The following TMEM233 variants were observed in gnomAD, a reference collection of about 807,000 sequenced individuals.
The protein encoded by TMEM233 is dispanin subfamily B member 2.
A neutral mutation model predicts 11.2 loss-of-function variants in TMEM233; 6 were observed. The observed-to-expected ratio is 0.54, with a 90% CI of 0.29 to 1.06. The LOEUF (loss-of-function observed/expected upper bound fraction) is 1.06. Among genes scored for constraint, TMEM233 ranks in the 50% least tolerant of loss-of-function variants. The pLI, the probability that TMEM233 is intolerant of heterozygous loss-of-function variation, is 0.08. For synonymous variants in TMEM233, 59 were observed against 55.8 expected (o/e 1.06, Z -0.26); for missense variants, 127 against 144.7 (o/e 0.88, Z 0.63).
intron 1 of TMEM233, among the ~76,000 whole-genome samples, chr12:119,615,173 T>TAAAAAAAAAAAAAAAAAAAAAAAAAA (rs60318959): frequency 1.6e-4 from 9 of 56,198 alleles, no homozygotes; most frequent in East Asian, 7.4e-4. Flanking sequence ...CGCTTTCTGC[T>TAAAAAAAAAAAAAAAAAAAAAAAAAA]AAAAAAAAAA....
intron 1 of TMEM233, among the ~76,000 whole-genome samples, chr12:119,598,967 G>A (rs890148061): frequency 6.6e-6 from 1 of 152,160 alleles, no homozygotes; most frequent in Non-Finnish European, 1.5e-5. Flanking sequence ...CTGTTCTAGA[G>A]ATACAAGCCA....
In TMEM233 at chr12:119,632,119, TATA is replaced by T. The variant is rs761653067; in HGVS notation, c.323+2254_323+2256del. 3.3e-5 allele frequency among the ~76,000 whole-genome samples: 5 copies of T among 152,344 alleles called. No individual in the cohort carries two copies. In the East Asian group the frequency reaches 7.7e-4, roughly 23 times the overall value. On this transcript the variant is annotated intron_variant, in intron 2 of 2. Coordinates refer to ENST00000426426, the MANE Select transcript of TMEM233 (RefSeq NM_001136534.3). ...AGATTAGTGTTTGAGCTAAGTGGGT[TATA>T]ATAATAGCAGCTGACACTAACATAG...
chr12:119,603,362 C>A (rs922088435), intron 1 of TMEM233, among the ~76,000 whole-genome samples: 1 of 152,188 alleles, frequency 6.6e-6, no homozygotes, highest in African/African-American at 2.4e-5. Context: ...GATAAGATAA[C>A]AAGACAGCAG....
rs1249192828 is a variant in TMEM233, at chr12:119,624,180, T to A, written c.187-5556T>A. 7.3e-5 allele frequency among the ~76,000 whole-genome samples: 11 copies of A among 151,292 alleles called. No homozygotes were observed. The East Asian group carries it at 2.1e-3, about 30-fold the overall frequency. On this transcript the variant is annotated intron_variant, in intron 1 of 2. Coordinates refer to ENST00000426426, the MANE Select transcript of TMEM233 (RefSeq NM_001136534.3). ...GCCTGGGCAACATGGCAAAACCCCA[T>A]CTCTACCAAAAATTAAAAAAAAAAC...
rs1264475141 is a variant in TMEM233 at position 119,594,798 on chromosome 12, C to T, written c.186+764C>T. Among the ~76,000 whole-genome samples, 4 of 152,184 alleles carry T rather than the reference C, an allele frequency of 2.6e-5. No homozygotes were observed. The East Asian group carries it at 7.7e-4, about 29-fold the overall frequency. On this transcript the variant is annotated intron_variant, in intron 1 of 2. Transcript: ENST00000426426. The surrounding 1 kb of genome is among the most constrained non-coding windows in gnomAD (Gnocchi z 5.6). Reference sequence around the variant, plus strand: ...CTTTCTTAGGCTCCCCGTGTGCCCCCCTCACCAGCAAAGTGGGTGCGCCTC... The same window carrying T: ...CTTTCTTAGGCTCCCCGTGTGCCCCTCTCACCAGCAAAGTGGGTGCGCCTC...
chr12:119,638,802 C>T lies in TMEM233; in HGVS notation c.324-1897C>T, dbSNP rs558967575. 4.0e-5 allele frequency among the ~76,000 whole-genome samples: 6 copies of T among 151,362 alleles called. No homozygotes were observed. In the East Asian group the frequency reaches 7.8e-4, roughly 20 times the overall value. ...CTGTAATCCCAGCACTTTGGGAGGC[C>T]GAGGTGGGAGGATCACTTGAGCCCA... On this transcript the variant is annotated intron_variant, in intron 2 of 2. Transcript: ENST00000426426.
At chr12:119,634,240 G>A (rs1954934625) in intron 2 of TMEM233, 2 of 985,214 alleles carry the variant, frequency 2.0e-6, no homozygotes, top group Admixed American at 6.2e-5. Context: ...TGGAAAATCT[G>A]ACATTAGAGG....
At chr12:119,626,531 GGAGAAGGGAGAA>G (rs1302075645) in intron 1 of TMEM233, among the ~76,000 whole-genome samples, 8,171 of 98,598 alleles carry the variant, frequency 0.083, 444 homozygotes, top group Middle Eastern at 0.14. Context: ...AAGGGAGAAG[GGAGAAGGGAGAA>G]GAGAAGAGAA....
the TMEM233 span, among the ~76,000 whole-genome samples, chr12:119,651,497 G>A: frequency 6.6e-6 from 1 of 152,068 alleles, no homozygotes; most frequent in Non-Finnish European, 1.5e-5. Context: ...AAGAAGGGTA[G>A]GATTGTCCAG....
At chr12:119,630,239 A>G (rs979722114) in intron 2 of TMEM233, among the ~76,000 whole-genome samples, 3 of 152,252 alleles carry the variant, frequency 2.0e-5, no homozygotes, top group African/African-American at 7.2e-5. Context: ...TGAGTGATTT[A>G]TAAAAAAAGA....
intron 1 of TMEM233, among the ~76,000 whole-genome samples, chr12:119,597,808 CTG>C (rs1442666139): frequency 1.3e-5 from 2 of 152,194 alleles, no homozygotes; most frequent in Non-Finnish European, 2.9e-5. Flanking sequence ...TATTGAAAGT[CTG>C]TTTATTGAAA....
intron 1 of TMEM233, among the ~76,000 whole-genome samples, chr12:119,616,834 G>A (rs1490591672): frequency 6.6e-6 from 1 of 152,188 alleles, no homozygotes; most frequent in Non-Finnish European, 1.5e-5. Flanking sequence ...TGATGGTTCT[G>A]TAAGGGGCTT....
intron 1 of TMEM233, among the ~76,000 whole-genome samples, chr12:119,619,934 A>G (rs1954609003): frequency 6.6e-6 from 1 of 152,232 alleles, no homozygotes; most frequent in Non-Finnish European, 1.5e-5. Flanking sequence ...TCAGTAAGAA[A>G]ACACAAACCG....
chr12:119,631,124 T>C (rs1954872888), intron 2 of TMEM233: 1 of 152,248 alleles, frequency 6.6e-6, no homozygotes, highest in African/African-American at 2.4e-5. Context: ...TCCATCTCTG[T>C]CTTGCTGTGT....
At chr12:119,602,275 A>G (rs868615445) in intron 1 of TMEM233, among the ~76,000 whole-genome samples, 1 of 152,180 alleles carries the variant, frequency 6.6e-6, no homozygotes, top group Non-Finnish European at 1.5e-5. Flanking sequence ...GAACTTGGAA[A>G]TAACAGGTCT....
In TMEM233 at chr12:119,612,912, C is replaced by CA. The variant is rs551125776; in HGVS notation, c.187-16817dup. ...TCCAGGTGATGTAATGAGACCCTGT[C>CA]AAAAAAATAAAAATAAAAAAAAGAG... On this transcript the variant is annotated intron_variant, in intron 1 of 2. Coordinates refer to ENST00000426426, the MANE Select transcript of TMEM233 (RefSeq NM_001136534.3). Among the ~76,000 whole-genome samples, 239 of 151,434 alleles carry CA rather than the reference C, an allele frequency of 1.6e-3. 2 individuals are homozygous for CA. The highest frequency in any genetic ancestry group is 5.5e-3 in the African/African-American group (225 of 41,282).
At chr12:119,628,736 G>A (rs942790259) in intron 1 of TMEM233, among the ~76,000 whole-genome samples, 2 of 151,202 alleles carry the variant, frequency 1.3e-5, no homozygotes, top group Admixed American at 1.3e-4. Context: ...TCCTGACCTC[G>A]TGATCTGCCC....
intron 1 of TMEM233, among the ~76,000 whole-genome samples, chr12:119,598,266 G>A (rs981719434): frequency 6.6e-6 from 1 of 152,116 alleles, no homozygotes; most frequent in Non-Finnish European, 1.5e-5. Context: ...GGCAAATTTA[G>A]GGTTAGTTCA....
At chr12:119,610,645 C>T (rs1429852089) in intron 1 of TMEM233, among the ~76,000 whole-genome samples, 1 of 152,170 alleles carries the variant, frequency 6.6e-6, no homozygotes, top group Non-Finnish European at 1.5e-5. Flanking sequence ...TTCCCCAATT[C>T]ACTTGGCACT....
Sources: allele counts gnomAD v4.1 joint callset (sites outside exome capture counted in the v4.1 genomes callset), GRCh38; gene constraint gnomAD v4.1.1; non-coding constraint Gnocchi (gnomAD v3.1); transcripts MANE v1.5; gene names NCBI Gene and HGNC (gene_info 2026-07-23, HGNC 2026-07-21).